The following ZWILCH variants were observed in gnomAD, a reference collection of about 807,000 sequenced individuals.
The protein encoded by ZWILCH is protein zwilch homolog.
In ZWILCH, 74 loss-of-function variants were observed where a neutral mutation model predicts 79.9. That is an observed-to-expected ratio of 0.93 (90% CI 0.77 to 1.12). The LOEUF is 1.12. ZWILCH is among the 50% of genes most tolerant of loss of function. The probability of loss-of-function intolerance (pLI) is 0.00; values close to 1 mark genes in which losing one functional copy is unlikely to be tolerated. For missense variants in ZWILCH, 694 were observed against 687.5 expected, an observed-to-expected ratio of 1.01 and a Z score of -0.11; for synonymous variants, 241 against 228.2, an observed-to-expected ratio of 1.06 and a Z score of -0.51.
At chr15:66,515,461 TAA>T in intron 3 of ZWILCH, 63 bp from the exon 4 acceptor site, 1 of 951,398 alleles carries the variant, frequency 1.1e-6, no homozygotes, top group Non-Finnish European at 1.7e-6. Flanking sequence ...TGTAGCATAG[TAA>T]AGAGTCAGCT....
Position 66,529,220 on chromosome 15 carries a change from A to G in ZWILCH, c.1075+263A>G, listed in dbSNP as rs1274319673. ...ATGATCTATTTATATGAACCAAAACATATACCTTACTGAAATTATAATTAT... is the reference window on the plus strand; with the variant it reads ...ATGATCTATTTATATGAACCAAAACGTATACCTTACTGAAATTATAATTAT... On this transcript the variant is annotated intron_variant, in intron 11 of 18. Coordinates refer to ENST00000307897, the MANE Select transcript of ZWILCH (RefSeq NM_017975.5). Among the ~76,000 whole-genome samples the G allele has an allele frequency of 3.3e-5, 5 of 152,202 alleles. No individual in the cohort carries two copies. In the East Asian group the frequency reaches 7.7e-4, roughly 23 times the overall value.
intron 2 of ZWILCH, among the ~76,000 whole-genome samples, chr15:66,512,493 C>G (rs190230012): frequency 6.9e-4 from 105 of 152,092 alleles, no homozygotes; most frequent in African/African-American, 2.2e-3. Context: ...CTCAAACCAT[C>G]CTCCCATCTC....
rs116919278 is a variant in ZWILCH at position 66,535,956 on chromosome 15, A to G, written c.1365A>G (p.Val455=). The G allele has an allele frequency of 2.5e-4, 403 of 1,608,494 alleles. 6 individuals carry two copies. The East Asian group carries it at 8.9e-3, about 36-fold the overall frequency. The part of the protein sequence containing the change: ...NHLEYFIAPS[V]DIQEQVYRVQ... ...AGGAATACTTCATTGCTCCATCAGT[A>G]GATATACAAGAACAGGTTTATCGTG... The change falls in exon 15 of 19, where the codon GTA becomes GTG. Residue 455 remains valine (V), a synonymous_variant. Coordinates refer to ENST00000307897, the MANE Select transcript of ZWILCH (RefSeq NM_017975.5).
Position 66,519,021 on chromosome 15 carries a change from C to T in ZWILCH, c.463C>T (p.Leu155Phe). The change falls in exon 5 of 19, where the codon CTT (leucine) becomes TTT (phenylalanine). Residue 155 changes from leucine (L) to phenylalanine (F), a missense_variant. Physicochemically the swap from Leu to Phe is conservative, Grantham distance 22 (BLOSUM62 0). Coordinates refer to ENST00000307897, the MANE Select transcript of ZWILCH (RefSeq NM_017975.5). Reference protein sequence around the residue: ...PEGTCWLGAELITTNNSITGI... With the variant: ...PEGTCWLGAEFITTNNSITGI... ...AGGTACTTGTTGGCTAGGAGCTGAGCTTATCACAACAAACAACAGCATTAC... is the reference window on the plus strand; with the variant it reads ...AGGTACTTGTTGGCTAGGAGCTGAGTTTATCACAACAAACAACAGCATTAC... 1 of 1,614,154 alleles carries T rather than the reference C, an allele frequency of 6.2e-7. No individual in the cohort carries two copies. The highest frequency in any genetic ancestry group is 8.5e-7 in the Non-Finnish European group (1 of 1,180,028).
chr15:66,516,932 G>T (rs1225731499), intron 4 of ZWILCH, among the ~76,000 whole-genome samples: 4 of 152,176 alleles, frequency 2.6e-5, no homozygotes, highest in Non-Finnish European at 5.9e-5. Context: ...CAGTGTTTGT[G>T]TGGGTTGATT....
chr15:66,540,067 T>C (rs753951567), intron 16 of ZWILCH, 31 bp from the exon 17 acceptor site: 3 of 1,558,018 alleles, frequency 1.9e-6, no homozygotes, highest in Non-Finnish European at 2.6e-6. Context: ...TTTTTGAAAA[T>C]TTTTCTTTTG....
intron 2 of ZWILCH, among the ~76,000 whole-genome samples, chr15:66,512,419 G>A (rs1363671584): frequency 6.6e-6 from 1 of 151,218 alleles, no homozygotes. Flanking sequence ...ACCATACCTG[G>A]CTATTTTTTT....
chr15:66,527,771 C>A, intron 9 of ZWILCH, 86 bp from the exon 10 acceptor site: 1 of 1,154,608 alleles, frequency 8.7e-7, no homozygotes. Context: ...CTACTGTCCC[C>A]ATTTACCATT....
intron 1 of ZWILCH, among the ~76,000 whole-genome samples, chr15:66,507,131 G>A (rs1388373904): frequency 6.6e-6 from 1 of 152,180 alleles, no homozygotes; most frequent in Admixed American, 6.5e-5. Context: ...AAAGTGCTGG[G>A]ATTACAGGCG....
At chr15:66,544,316 A>G (rs1895287451) in intron 17 of ZWILCH, among the ~76,000 whole-genome samples, 1 of 152,030 alleles carries the variant, frequency 6.6e-6, no homozygotes, top group African/African-American at 2.4e-5. Flanking sequence ...AACGTATTTT[A>G]TGGTTAAAAA....
chr15:66,548,036 C>G (rs1895445675), intron 18 of ZWILCH: 1 of 152,720 alleles, frequency 6.5e-6, no homozygotes, highest in Non-Finnish European at 1.5e-5. Context: ...ATTCACCAGC[C>G]TCAGCCTCCC....
intron 8 of ZWILCH, among the ~76,000 whole-genome samples, 195 bp downstream of exon 8, chr15:66,523,943 G>A (rs1475827311): frequency 2.0e-5 from 3 of 152,080 alleles, no homozygotes; most frequent in Non-Finnish European, 2.9e-5. Context: ...GCATTAGGTC[G>A]TTAATAGCTA....
Position 66,532,237 on chromosome 15 carries a change from T to C in ZWILCH, c.1156-10T>C, listed in dbSNP as rs371277480. The C allele has an allele frequency of 3.8e-5, 59 of 1,557,426 alleles. No individual in the cohort carries two copies. In the African/African-American group the frequency reaches 7.8e-4, roughly 21 times the overall value. On this transcript the variant is annotated splice_polypyrimidine_tract_variant and intron_variant, in intron 12 of 18. Coordinates refer to ENST00000307897, the MANE Select transcript of ZWILCH (RefSeq NM_017975.5). The stretch of plus-strand genomic sequence containing the variant: ...TATTCATGGTTTTATAAAATTTTCC[T>C]GATTTCTAGCTCCATAGTGGAAGTA...
At position 66,541,908 on chromosome 15, in the gene ZWILCH, T is replaced by C. The variant is rs116608156; in HGVS notation, c.1687+1698T>C. Among the ~76,000 whole-genome samples, 1,105 of 152,312 alleles carry C rather than the reference T, an allele frequency of 7.3e-3. 12 individuals are homozygous for C. Among genetic ancestry groups the C allele is most frequent in the African/African-American group, 0.025 (1,045 of 41,564 alleles). ...AAATTTTTCCAGAAAATGTTTGTGC[T>C]CCTGCCCTCCCAAGTATATTCTGAT... On this transcript the variant is annotated intron_variant, in intron 17 of 18. Transcript: ENST00000307897.
At chr15:66,513,239 A>G (rs969264730) in intron 2 of ZWILCH, among the ~76,000 whole-genome samples, 2 of 151,774 alleles carry the variant, frequency 1.3e-5, no homozygotes, top group South Asian at 2.1e-4. Flanking sequence ...CCTGTTTTCA[A>G]ACTTTTAAAT....
In ZWILCH at chr15:66,532,320, C is replaced by G; in HGVS notation, c.1229C>G (p.Ser410Cys). ...TATCATGGAACCATGGACACAGTTTCTCTCAGTGGGACTATTCCAGTTCAA... is the reference window on the plus strand; with the variant it reads ...TATCATGGAACCATGGACACAGTTTGTCTCAGTGGGACTATTCCAGTTCAA... ...QSYHGTMDTV[S>C]LSGTIPVQML... Residue 410 changes from serine (S) to cysteine (C), a missense_variant, in exon 13 of 19, where the codon TCT becomes TGT. By Grantham distance (112) the Ser-to-Cys change is moderately radical (BLOSUM62 -1). Transcript: ENST00000307897. 6.2e-7 allele frequency: 1 copy of G among 1,612,918 alleles called. No individual in the cohort carries two copies. The highest frequency in any genetic ancestry group is 8.5e-7 in the Non-Finnish European group (1 of 1,179,470).
rs779777352 is a variant in ZWILCH at position 66,537,279 on chromosome 15, T to G, written c.1574+16T>G. On this transcript the variant is annotated intron_variant, in intron 16 of 18. Transcript: ENST00000307897. ...TATATCAAAGGTAAGCAATTTTTGC[T>G]AGGCATGGTGGCTCATGCCTGTAAT... 1 of 1,593,724 alleles carries G rather than the reference T, an allele frequency of 6.3e-7. No individual in the cohort carries two copies. Among genetic ancestry groups the G allele is most frequent in the Admixed American group, 1.7e-5 (1 of 59,936 alleles).
Position 66,521,046 on chromosome 15 carries a change from T to C in ZWILCH, c.592-4T>C. 1 of 1,614,042 alleles carries C rather than the reference T, an allele frequency of 6.2e-7. No homozygotes were observed. Among genetic ancestry groups the C allele is most frequent in the Non-Finnish European group, 8.5e-7 (1 of 1,179,946 alleles). On this transcript the variant is annotated splice_region_variant and splice_polypyrimidine_tract_variant and intron_variant, in intron 6 of 18. Transcript: ENST00000307897. ...AAATGATCTGCTGGGTACACTCTTT[T>C]CAGGTAACATCCAAAGGCTTTGCCC...
At chr15:66,532,178 C>A in intron 12 of ZWILCH, 69 bp from the exon 13 acceptor site, 1 of 1,234,622 alleles carries the variant, frequency 8.1e-7, no homozygotes, top group East Asian at 2.8e-5. Flanking sequence ...CTGTAATTTG[C>A]TTCTCTTTTA....
Sources: allele counts gnomAD v4.1 joint callset (sites outside exome capture counted in the v4.1 genomes callset), GRCh38; gene constraint gnomAD v4.1.1; transcripts MANE v1.5; gene names NCBI Gene and HGNC (gene_info 2026-07-23, HGNC 2026-07-21).